TTC39C: variants seen among roughly 807,000 people sequenced by gnomAD.
The protein encoded by TTC39C is tetratricopeptide repeat domain 39C.
TTC39C carries 33 observed loss-of-function variants against 76.3 expected under a neutral mutation model. The ratio of observed to expected loss-of-function variants is 0.43; its 90% confidence interval spans 0.33 to 0.58. The LOEUF (loss-of-function observed/expected upper bound fraction) is 0.58, where lower values mean the gene tolerates loss of function less well. TTC39C is among the 20% of genes least tolerant of loss of function. The pLI, the probability that TTC39C is intolerant of heterozygous loss-of-function variation, is 0.04. For synonymous variants in TTC39C, 254 were observed against 260.6 expected, an observed-to-expected ratio of 0.97 and a Z score of 0.24; for missense variants, 595 against 701.4, an observed-to-expected ratio of 0.85 and a Z score of 1.71.
intron 6 of TTC39C, among the ~76,000 whole-genome samples, chr18:24,089,567 C>G (rs1219334405): frequency 6.6e-6 from 1 of 152,098 alleles, no homozygotes; most frequent in East Asian, 1.9e-4. Flanking sequence ...GCTTAATGAC[C>G]GTTTACCGAA....
intron 6 of TTC39C, among the ~76,000 whole-genome samples, chr18:24,094,900 A>G (rs1351638334): frequency 6.6e-6 from 1 of 152,258 alleles, no homozygotes; most frequent in Non-Finnish European, 1.5e-5. Context: ...TAATGTCACC[A>G]GCTGAATTAG....
At chr18:24,045,309 C>T (rs891022085) in intron 1 of TTC39C, among the ~76,000 whole-genome samples, 1 of 151,262 alleles carries the variant, frequency 6.6e-6, no homozygotes, top group African/African-American at 2.4e-5. Flanking sequence ...AACCCCAGCC[C>T]ACCTGAGTGA....
intron 6 of TTC39C, chr18:24,099,342 C>G (rs2084648324): frequency 6.6e-6 from 1 of 151,572 alleles, no homozygotes; most frequent in Non-Finnish European, 1.5e-5. Flanking sequence ...GGCTAGAGAG[C>G]ACTCAGGGGT....
chr18:24,033,531 A>G (rs986688228), intron 1 of TTC39C, among the ~76,000 whole-genome samples: 2 of 152,114 alleles, frequency 1.3e-5, no homozygotes, highest in African/African-American at 4.8e-5. Flanking sequence ...TTTGTTTGCT[A>G]TGCATTCTGT....
At chr18:24,071,762 T>C (rs181040375) in intron 4 of TTC39C, among the ~76,000 whole-genome samples, 4 of 152,364 alleles carry the variant, frequency 2.6e-5, no homozygotes, top group Admixed American at 2.0e-4. Context: ...ATTTTATCCA[T>C]AAACTATATT....
chr18:24,057,249 A>T (rs1226476370), intron 1 of TTC39C, among the ~76,000 whole-genome samples: 1 of 152,174 alleles, frequency 6.6e-6, no homozygotes, highest in African/African-American at 2.4e-5. Flanking sequence ...CCACAGTACC[A>T]TTACACACCG....
chr18:24,045,892 A>AAAAAAAAAAAAAATATATATATAT (rs1435790388), intron 1 of TTC39C, among the ~76,000 whole-genome samples: 1 of 61,230 alleles, frequency 1.6e-5, no homozygotes, highest in African/African-American at 8.9e-5. Context: ...CTTCTGTGAA[A>AAAAAAAAAAAAAATATATATATAT]ATATATATAT....
At chr18:24,104,640 T>C (rs960590398) in intron 6 of TTC39C, among the ~76,000 whole-genome samples, 1 of 151,702 alleles carries the variant, frequency 6.6e-6, no homozygotes. Flanking sequence ...GGCCACTGCT[T>C]TATCTCAAAT....
intron 1 of TTC39C, among the ~76,000 whole-genome samples, chr18:24,032,153 G>A (rs1281093750): frequency 6.6e-6 from 1 of 152,210 alleles, no homozygotes. Flanking sequence ...GTGTGGCCCT[G>A]CCGATACCTC....
At chr18:24,128,863 T>A (rs1472970600) in intron 10 of TTC39C, 23 bp from the exon 11 acceptor site, 1 of 1,592,492 alleles carries the variant, frequency 6.3e-7, no homozygotes. Flanking sequence ...CTTACTGCTC[T>A]GTTCACTCCC....
chr18:24,072,528 C>G (rs976744928), intron 4 of TTC39C, among the ~76,000 whole-genome samples: 1 of 152,192 alleles, frequency 6.6e-6, no homozygotes, highest in African/African-American at 2.4e-5. Flanking sequence ...AACTCCTGCC[C>G]TTAAGTGATC....
chr18:24,107,887 T>TC (rs757849820), intron 6 of TTC39C, among the ~76,000 whole-genome samples: 1 of 59,950 alleles, frequency 1.7e-5, no homozygotes, highest in Non-Finnish European at 4.6e-5. Flanking sequence ...GCCTCCCAAG[T>TC]AGGGGGGGGG....
chr18:24,095,336 A>G lies in TTC39C; in HGVS notation c.984+12255A>G, dbSNP rs142092990. Among the ~76,000 whole-genome samples the G allele has an allele frequency of 1.7e-3, 263 of 152,368 alleles. 1 individual carries two copies. Among genetic ancestry groups the G allele is most frequent in the African/African-American group, 6.1e-3 (252 of 41,592 alleles). On this transcript the variant is annotated intron_variant, in intron 6 of 13. Coordinates refer to ENST00000317571, the MANE Select transcript of TTC39C (RefSeq NM_001135993.2). ...TCCAGACCACTAAAACTTTATTCGT[A>G]TCAGCAGTAATGCTGATTTGCTTTC...
chr18:24,066,673 C>T (rs781625104), intron 3 of TTC39C, among the ~76,000 whole-genome samples: 6 of 152,222 alleles, frequency 3.9e-5, no homozygotes, highest in Non-Finnish European at 5.9e-5. Flanking sequence ...GTCTCACATA[C>T]GTCACTGACA....
chr18:24,072,170 G>A (rs1490818704), intron 4 of TTC39C, among the ~76,000 whole-genome samples: 6 of 151,460 alleles, frequency 4.0e-5, no homozygotes, highest in South Asian at 2.1e-4. Context: ...GCTCCTTGTT[G>A]GAGATGTTTG....
intron 1 of TTC39C, among the ~76,000 whole-genome samples, chr18:24,047,814 C>G (rs1402719959): frequency 6.6e-6 from 1 of 152,164 alleles, no homozygotes; most frequent in African/African-American, 2.4e-5. Context: ...TATAACAGCT[C>G]TGTATTGAAG....
rs150017899 is a variant in TTC39C at position 24,051,033 on chromosome 18, G to A, written c.168-13107G>A. Among the ~76,000 whole-genome samples the A allele has an allele frequency of 2.4e-4, 36 of 152,276 alleles. No individual in the cohort carries two copies. In the East Asian group the frequency reaches 4.6e-3, roughly 20 times the overall value. On this transcript the variant is annotated intron_variant, in intron 1 of 13. Coordinates refer to ENST00000317571, the MANE Select transcript of TTC39C (RefSeq NM_001135993.2). ...AACGCATCAGTCAGAGCAATAGTCCGTAGGAAGTAAGGGTCAAGGGCCTGG... is the reference window on the plus strand; with the variant it reads ...AACGCATCAGTCAGAGCAATAGTCCATAGGAAGTAAGGGTCAAGGGCCTGG...
Position 24,066,151 on chromosome 18 carries a change from C to G in TTC39C, c.345+11C>G. The G allele has an allele frequency of 6.3e-7, 1 of 1,592,424 alleles. No individual in the cohort carries two copies. The highest frequency in any genetic ancestry group is 1.2e-5 in the South Asian group (1 of 86,206). On this transcript the variant is annotated intron_variant, in intron 3 of 13. Coordinates refer to ENST00000317571, the MANE Select transcript of TTC39C (RefSeq NM_001135993.2). ...AAAATTAAGAAGAACGTAAGTATTG[C>G]GGCTTTAGGTTGTGGACTGTGTGCC... is the stretch of plus-strand genomic sequence containing the variant.
chr18:24,110,672 C>T (rs1383968663), intron 6 of TTC39C, among the ~76,000 whole-genome samples: 1 of 152,200 alleles, frequency 6.6e-6, no homozygotes, highest in Admixed American at 6.6e-5. Context: ...TACAAGAGGG[C>T]AGGCTGGAAT....
Sources: gnomAD v4.1 joint callset for allele counts (sites outside exome capture counted in the v4.1 genomes callset) on GRCh38, gnomAD v4.1.1 for gene constraint, MANE v1.5 for transcripts, NCBI Gene and HGNC (gene_info 2026-07-23, HGNC 2026-07-21) for gene names.